The following SAFB2 variants were observed in gnomAD, a reference collection of about 807,000 sequenced individuals.
SAFB2 encodes the protein scaffold attachment factor B2.
SAFB2 carries 32 observed loss-of-function variants against 100.6 expected under a neutral mutation model. The ratio of observed to expected loss-of-function variants is 0.32; its 90% CI spans 0.24 to 0.43. SAFB2 has a LOEUF of 0.43. Among genes scored for constraint, SAFB2 ranks in the 20% least tolerant of loss-of-function variants. The probability of loss-of-function intolerance (pLI) is 1.00; values close to 1 mark genes in which losing one functional copy is unlikely to be tolerated. For synonymous variants in SAFB2, 500 were observed against 439.4 expected (o/e 1.14, Z -1.72); for missense variants, 1,185 against 1,163.4 (o/e 1.02, Z -0.27).
Position 5,595,503 on chromosome 19 carries a change from T to G in SAFB2, c.1783-6A>C. 2 of 1,612,962 alleles carry G rather than the reference T, an allele frequency of 1.2e-6. No individual in the cohort carries two copies. The highest frequency in any genetic ancestry group is 1.7e-6 in the Non-Finnish European group (2 of 1,179,956). Reference sequence around the variant, plus strand: ...CGATCCTGACTCTTGGAGCTCTGTTTACCAAAACTGGTTTATTAATGTCAG... The same window carrying G: ...CGATCCTGACTCTTGGAGCTCTGTTGACCAAAACTGGTTTATTAATGTCAG... On this transcript the variant is annotated splice_region_variant and splice_polypyrimidine_tract_variant and intron_variant, in intron 13 of 20. Transcript: ENST00000252542.
In SAFB2 at chr19:5,593,942, A is replaced by G; in HGVS notation, c.2156T>C (p.Leu719Pro). ...GGGCCGCCGCTCCTGCTCGTAACGCAGCTGCTCCTGCTGGCGCCGCAGCTC... is the reference window on the plus strand; with the variant it reads ...GGGCCGCCGCTCCTGCTCGTAACGCGGCTGCTCCTGCTGGCGCCGCAGCTC... ...REELRRQQEQ[L>P]RYEQERRPGR... The change falls in exon 15 of 21, where the codon CTG (leucine) becomes CCG (proline). Residue 719 changes from leucine to proline, a missense_variant. By Grantham distance (98) the Leu-to-Pro change is moderately conservative (BLOSUM62 -3). Around this residue, in one of 3 missense-constraint regions of SAFB2, gnomAD observed 740 missense variants for 687.1 expected, o/e 1.08. Coordinates refer to ENST00000252542, the MANE Select transcript of SAFB2 (RefSeq NM_014649.3). The G allele has an allele frequency of 1.3e-6, 2 of 1,556,056 alleles. No individual in the cohort carries two copies. Among genetic ancestry groups the G allele is most frequent in the African/African-American group, 1.4e-5 (1 of 72,342 alleles).
chr19:5,587,930 G>T lies in SAFB2; in HGVS notation c.2576C>A (p.Ala859Glu). ...GTCCATGGCACCCTGCCAGGCGCGT[G>T]CCTGGTGCTCCTCTAGCCGCTGGTT... ...EHNQRLEEHQARAWQGAMDAG... is the reference protein window; with the variant it reads ...EHNQRLEEHQERAWQGAMDAG... Residue 859 changes from alanine (A) to glutamate (E), a missense_variant, in exon 19 of 21, where the codon GCA becomes GAA. Coordinates refer to ENST00000252542, the MANE Select transcript of SAFB2 (RefSeq NM_014649.3). This position sits in a 1 kb window ranked among gnomAD's most constrained non-coding sequence, Gnocchi z 4.9. 6.2e-7 allele frequency: 1 copy of T among 1,612,746 alleles called. No homozygotes were observed. Among genetic ancestry groups the T allele is most frequent in the Non-Finnish European group, 8.5e-7 (1 of 1,179,852 alleles).
At position 5,593,977 on chromosome 19, in the gene SAFB2, G is replaced by A. The variant is rs756091436; in HGVS notation, c.2121C>T (p.Arg707=). 10 of 1,552,400 alleles carry A rather than the reference G, an allele frequency of 6.4e-6. No homozygotes were observed. Among genetic ancestry groups the A allele is most frequent in the South Asian group, 2.3e-5 (2 of 85,192 alleles). The change falls in exon 15 of 21, where the codon CGC becomes CGT. Residue 707 remains arginine (R), a synonymous_variant. Coordinates refer to ENST00000252542, the MANE Select transcript of SAFB2 (RefSeq NM_014649.3). The part of the protein sequence containing the change: ...ERRKEQERIH[R]EREELRRQQE... ...GCTGGCGCCGCAGCTCCTCGCGCTC[G>A]CGGTGGATGCGCTCCTGCTCCTTCC...
chr19:5,621,136 C>A (rs555525749), intron 2 of SAFB2, among the ~76,000 whole-genome samples, 173 bp downstream of exon 2: 1 of 152,332 alleles, frequency 6.6e-6, no homozygotes, highest in South Asian at 2.1e-4. Flanking sequence ...TTCCTCCTCC[C>A]TGTGCCCTTG....
At chr19:5,597,516 T>A (rs1295163722) in intron 13 of SAFB2, among the ~76,000 whole-genome samples, 1 of 152,182 alleles carries the variant, frequency 6.6e-6, no homozygotes. Flanking sequence ...CAAGGCATAT[T>A]ACACAGAAAG....
intron 2 of SAFB2, 49 bp downstream of exon 2, chr19:5,621,260 T>C (rs1328930672): frequency 8.1e-7 from 1 of 1,233,412 alleles, no homozygotes; most frequent in Non-Finnish European, 1.2e-6. Context: ...ACACACCATT[T>C]CTCTAAATTC....
At chr19:5,614,527 T>C (rs2052980596) in intron 4 of SAFB2, among the ~76,000 whole-genome samples, 1 of 152,202 alleles carries the variant, frequency 6.6e-6, no homozygotes, top group African/African-American at 2.4e-5. Context: ...AACCAGTTGC[T>C]CAGTGCTGCC....
At chr19:5,616,779 G>A (rs1416472422) in intron 2 of SAFB2, among the ~76,000 whole-genome samples, 1 of 149,198 alleles carries the variant, frequency 6.7e-6, no homozygotes, top group Non-Finnish European at 1.5e-5. Context: ...AGCCTCCTCA[G>A]CAGCTGGGAC....
chr19:5,617,838 T>C (rs545928159), intron 2 of SAFB2, among the ~76,000 whole-genome samples: 3 of 152,266 alleles, frequency 2.0e-5, no homozygotes, highest in African/African-American at 7.2e-5. Flanking sequence ...GAATATTTAA[T>C]GAAACAGAAA....
At chr19:5,589,622 G>A (rs1199211868) in intron 18 of SAFB2, among the ~76,000 whole-genome samples, 1 of 152,134 alleles carries the variant, frequency 6.6e-6, no homozygotes, top group African/African-American at 2.4e-5. Context: ...GGACAAACAG[G>A]CAGGGGTGAC....
chr19:5,594,031 G>C lies in SAFB2; in HGVS notation c.2067C>G (p.Arg689=), dbSNP rs1262103697. The C allele has an allele frequency of 1.3e-5, 20 of 1,570,772 alleles. No individual in the cohort carries two copies. The highest frequency in any genetic ancestry group is 1.6e-5 in the Non-Finnish European group (19 of 1,165,292). The change falls in exon 15 of 21, where the codon CGC becomes CGG. Residue 689 remains arginine, a synonymous_variant. Transcript: ENST00000252542. The part of the protein sequence containing the change: ...RERMERERLE[R]ERMRVERERR... The stretch of plus-strand genomic sequence containing the variant: ...GCTCACGCTCCACGCGCATGCGCTC[G>C]CGCTCCAGCCGCTCCCGCTCCATGC...
chr19:5,621,426 CATT>C, intron 1 of SAFB2, 30 bp from the exon 2 acceptor site: 1 of 1,337,018 alleles, frequency 7.5e-7, no homozygotes, highest in East Asian at 2.3e-5. Context: ...TTTACAACAT[CATT>C]AAGAGCTGCA....
intron 16 of SAFB2, 138 bp downstream of exon 16, chr19:5,592,609 A>G: frequency 1.1e-6 from 1 of 935,158 alleles, no homozygotes; most frequent in South Asian, 1.7e-5. Flanking sequence ...GCAAGGCCAG[A>G]GTCATCCACT....
intron 13 of SAFB2, among the ~76,000 whole-genome samples, chr19:5,595,912 G>A (rs776192979): frequency 5.9e-5 from 9 of 152,212 alleles, no homozygotes; most frequent in Non-Finnish European, 8.8e-5. Context: ...CAGCTGGAGG[G>A]CAGACTACAT....
In SAFB2 at chr19:5,587,712, A is replaced by G; in HGVS notation, c.2694T>C (p.Gly898=). ...PSGPGHMASR[G]GVAGRGGFAQ... Reference sequence around the variant, plus strand: ...ACGACACACCTTACCCCGCCACTCCACCGCGGCTTGCCATGTGCCCCGGCC... The same window carrying G: ...ACGACACACCTTACCCCGCCACTCCGCCGCGGCTTGCCATGTGCCCCGGCC... Residue 898 remains glycine (G), a synonymous_variant, in exon 20 of 21, where the codon GGT becomes GGC. Coordinates refer to ENST00000252542, the MANE Select transcript of SAFB2 (RefSeq NM_014649.3). The surrounding 1 kb of genome is among the most constrained non-coding windows in gnomAD (Gnocchi z 4.9). 1 of 1,551,550 alleles carries G rather than the reference A, an allele frequency of 6.4e-7. No homozygotes were observed. The highest frequency in any genetic ancestry group is 8.7e-7 in the Non-Finnish European group (1 of 1,147,124).
chr19:5,618,349 G>C (rs1021007566), intron 2 of SAFB2, among the ~76,000 whole-genome samples: 7 of 151,920 alleles, frequency 4.6e-5, no homozygotes, highest in African/African-American at 1.5e-4. Context: ...GCAACAGAGC[G>C]AGACTCCGTC....
At position 5,616,473 on chromosome 19, in the gene SAFB2, C is replaced by T. The variant is rs1202119839; in HGVS notation, c.288G>A (p.Glu96=). 4 of 1,613,726 alleles carry T rather than the reference C, an allele frequency of 2.5e-6. No individual in the cohort carries two copies. In the African/African-American group the frequency reaches 4.0e-5, roughly 16 times the overall value. ...AKRCVKGLKM[E]EEGTEDNGLE... ...GGCCATTATCTTCTGTGCCTTCCTC[C>T]TCCATCTTCAGTCCTAATTACAGAA... Residue 96 remains glutamate (E), a synonymous_variant, in exon 3 of 21, where the codon GAG becomes GAA. Transcript: ENST00000252542.
intron 13 of SAFB2, chr19:5,598,514 C>T: frequency 2.2e-6 from 1 of 459,626 alleles, no homozygotes; most frequent in Admixed American, 3.4e-5. Context: ...TCTGGCCCAT[C>T]CCACCCTATG....
At chr19:5,617,534 T>C (rs1242580847) in intron 2 of SAFB2, among the ~76,000 whole-genome samples, 1 of 152,190 alleles carries the variant, frequency 6.6e-6, no homozygotes. Flanking sequence ...ATCTGTCCTA[T>C]TATACCTGTT....
Sources: gnomAD v4.1 joint callset for allele counts (sites outside exome capture counted in the v4.1 genomes callset) on GRCh38, gnomAD v4.1.1 for gene constraint, gnomAD v4.1.1 regional missense constraint, Gnocchi (gnomAD v3.1) non-coding constraint, MANE v1.5 for transcripts, NCBI Gene and HGNC (gene_info 2026-07-23, HGNC 2026-07-21) for gene names.